MMP26: variants seen among roughly 807,000 people sequenced by gnomAD.
MMP26 encodes the protein matrix metallopeptidase 26, also known as matrix metalloproteinase-26.
In MMP26, 33 loss-of-function variants were observed where a neutral mutation model predicts 31.0. That is an observed-to-expected ratio of 1.06 (90% CI 0.81 to 1.42). The LOEUF is 1.42. Ranked by LOEUF, MMP26 falls within the 40% of genes most tolerant of loss-of-function variation. The pLI, the probability that MMP26 is intolerant of heterozygous loss-of-function variation, is 0.00. For missense variants in MMP26, 347 were observed against 316.1 expected (o/e 1.10, Z -0.74); for synonymous variants, 122 against 114.9 (o/e 1.06, Z -0.40).
rs200914402 is a variant in MMP26 at position 4,803,786 on chromosome 11, G to C, written c.-145+36445G>C. 6 of 1,612,750 alleles carry C rather than the reference G, an allele frequency of 3.7e-6. No individual in the cohort carries two copies. The East Asian group carries it at 1.3e-4, about 36-fold the overall frequency. ...AAGGCCACAAAGAGCCCATTCCCAC[G>C]ACTTATGCTTGTATCAGCACACACC... On this transcript the variant is annotated intron_variant, in intron 2 of 7. Transcript: ENST00000380390.
intron 1 of MMP26, chr11:4,723,264 A>T: frequency 8.8e-7 from 1 of 1,140,086 alleles, no homozygotes; most frequent in East Asian, 2.4e-5. Flanking sequence ...TTCATCTTGC[A>T]GATCTCAGTC....
At chr11:4,824,157 G>A (rs377642446) in intron 2 of MMP26, among the ~76,000 whole-genome samples, 2 of 152,038 alleles carry the variant, frequency 1.3e-5, no homozygotes, top group African/African-American at 2.4e-5. Flanking sequence ...CAATTAATGG[G>A]TACTGTATAC....
At chr11:4,796,673 T>C (rs1171908102) in intron 2 of MMP26, among the ~76,000 whole-genome samples, 2 of 152,060 alleles carry the variant, frequency 1.3e-5, no homozygotes, top group African/African-American at 2.4e-5. Flanking sequence ...AGAGAGGAAA[T>C]AGAGACAAAG....
At chr11:4,724,358 G>A (rs975757346) in intron 1 of MMP26, among the ~76,000 whole-genome samples, 2 of 152,154 alleles carry the variant, frequency 1.3e-5, no homozygotes, top group African/African-American at 2.4e-5. Flanking sequence ...GTGACCTCCT[G>A]GTTAGATGAC....
chr11:4,706,744 A>G (rs999501889), intron 1 of MMP26, among the ~76,000 whole-genome samples: 23 of 152,174 alleles, frequency 1.5e-4, no homozygotes, highest in Non-Finnish European at 2.9e-4. Flanking sequence ...CTGAAACTTT[A>G]TACCTGTTTA....
intron 2 of MMP26, among the ~76,000 whole-genome samples, chr11:4,823,224 A>G (rs955466015): frequency 4.6e-5 from 7 of 151,890 alleles, no homozygotes; most frequent in Non-Finnish European, 1.0e-4. Context: ...GAATATTAAC[A>G]TAAGACACAG....
chr11:4,816,361 C>T (rs74052358), intron 2 of MMP26, among the ~76,000 whole-genome samples: 81 of 152,160 alleles, frequency 5.3e-4, no homozygotes, highest in African/African-American at 2.0e-3. Flanking sequence ...ATGAAATGTC[C>T]GTCAGGTCCA....
chr11:4,724,979 G>T (rs1848077971), intron 1 of MMP26, among the ~76,000 whole-genome samples: 1 of 152,214 alleles, frequency 6.6e-6, no homozygotes, highest in East Asian at 1.9e-4. Flanking sequence ...GAAGGTGATT[G>T]GATCACAGGG....
chr11:4,867,342 A>T (rs1168792539), intron 2 of MMP26, among the ~76,000 whole-genome samples: 1 of 151,434 alleles, frequency 6.6e-6, no homozygotes, highest in African/African-American at 2.4e-5. Context: ...AAAGCTCAAC[A>T]TCACTGATCA....
chr11:4,725,198 T>C (rs960607723), intron 1 of MMP26, among the ~76,000 whole-genome samples: 1 of 152,168 alleles, frequency 6.6e-6, no homozygotes, highest in African/African-American at 2.4e-5. Context: ...TGCAGAACCA[T>C]GACATAATTA....
At chr11:4,710,244 T>C in intron 1 of MMP26, 1 of 456,770 alleles carries the variant, frequency 2.2e-6, no homozygotes, top group South Asian at 1.5e-5. Context: ...GATCGTCCGC[T>C]CTGTGCTCTG....
intron 2 of MMP26, among the ~76,000 whole-genome samples, chr11:4,956,595 A>G (rs1275019316): frequency 1.3e-5 from 2 of 152,158 alleles, no homozygotes; most frequent in South Asian, 4.1e-4. Context: ...CAGAGATGCT[A>G]TGAGTTGATT....
intron 2 of MMP26, among the ~76,000 whole-genome samples, chr11:4,772,115 A>T (rs1848731977): frequency 6.6e-6 from 1 of 152,200 alleles, no homozygotes; most frequent in African/African-American, 2.4e-5. Context: ...AGCCAAAGAC[A>T]GAGCAAAAAA....
intron 2 of MMP26, among the ~76,000 whole-genome samples, chr11:4,798,011 C>T (rs1413186315): frequency 6.6e-6 from 1 of 152,220 alleles, no homozygotes; most frequent in Non-Finnish European, 1.5e-5. Flanking sequence ...ATTACATTGA[C>T]TTCACATGCT....
chr11:4,709,803 A>C lies in MMP26; in HGVS notation c.-217+4758A>C, dbSNP rs760835665. 23 of 457,444 alleles carry C rather than the reference A, an allele frequency of 5.0e-5. No individual in the cohort carries two copies. The Admixed American group carries it at 5.4e-4, about 11-fold the overall frequency. 28.3% of individuals were successfully genotyped at this position (457,444 alleles called of 1,614,324 possible). A position where few individuals can be genotyped will look rare whatever the true frequency, so the allele number is the denominator to read the frequency against. ...CATGGACCTAGGTCTGTGTCTTTCT[A>C]CATTGACCACCATGCTGGGTATTTT... On this transcript the variant is annotated intron_variant, in intron 1 of 7. Coordinates refer to ENST00000380390, the MANE Select transcript of MMP26 (RefSeq NM_021801.5).
chr11:4,943,676 A>G (rs1394607251), intron 2 of MMP26: 4 of 357,572 alleles, frequency 1.1e-5, no homozygotes, highest in Non-Finnish European at 2.2e-5. Context: ...TCTTGGAGGT[A>G]ACATTGCTGC....
chr11:4,978,872 T>C (rs1846775422), intron 2 of MMP26, among the ~76,000 whole-genome samples: 1 of 152,048 alleles, frequency 6.6e-6, no homozygotes, highest in African/African-American at 2.4e-5. Flanking sequence ...TGGTGAGGTG[T>C]TGGGTCTGAT....
At chr11:4,775,060 G>A (rs12806995) in intron 2 of MMP26, among the ~76,000 whole-genome samples, 15 of 152,248 alleles carry the variant, frequency 9.9e-5, no homozygotes, top group African/African-American at 2.9e-4. Context: ...GTCCTATAGT[G>A]TGATACCTCC....
At chr11:4,979,585 A>C (rs1846785289) in intron 2 of MMP26, among the ~76,000 whole-genome samples, 1 of 152,116 alleles carries the variant, frequency 6.6e-6, no homozygotes, top group Admixed American at 6.6e-5. Flanking sequence ...TTGCCTCCAA[A>C]TGTCTGGGGC....
Sources: gnomAD v4.1 joint callset for allele counts (sites outside exome capture counted in the v4.1 genomes callset) on GRCh38, gnomAD v4.1.1 for gene constraint, MANE v1.5 for transcripts, NCBI Gene and HGNC (gene_info 2026-07-23, HGNC 2026-07-21) for gene names.